DNAH8: variants seen among roughly 807,000 people sequenced by gnomAD.
DNAH8 encodes the protein dynein axonemal heavy chain 8.
In DNAH8, 382 loss-of-function variants were observed where a neutral mutation model predicts 562.1. The ratio of observed to expected loss-of-function variants is 0.68; its 90% confidence interval spans 0.63 to 0.74. The LOEUF is 0.74. DNAH8 is among the 30% of genes least tolerant of loss of function. The probability of loss-of-function intolerance (pLI) is 0.00; values close to 1 mark genes in which losing one functional copy is unlikely to be tolerated. For missense variants in DNAH8, 5,203 were observed against 5,620.4 expected (o/e 0.93, Z 2.37); for synonymous variants, 1,881 against 1,919.4 (o/e 0.98, Z 0.52).
intron 21 of DNAH8, among the ~76,000 whole-genome samples, chr6:38,794,249 G>A (rs1014146682): frequency 4.6e-5 from 7 of 152,056 alleles, no homozygotes; most frequent in Non-Finnish European, 1.0e-4. Flanking sequence ...TATTAAGCAA[G>A]GGTGGGGATG....
intron 69 of DNAH8, 118 bp from the exon 70 acceptor site, chr6:38,917,805 TTG>T: frequency 5.5e-6 from 4 of 723,360 alleles, no homozygotes; most frequent in Non-Finnish European, 8.7e-6. Context: ...TAGTCTCAAT[TTG>T]TGTATTTAGA....
chr6:38,972,271 T>C (rs912257828), intron 83 of DNAH8, among the ~76,000 whole-genome samples: 1 of 152,120 alleles, frequency 6.6e-6, no homozygotes, highest in African/African-American at 2.4e-5. Context: ...AAGATATTGG[T>C]TTATTTTTAA....
At chr6:39,027,226 C>A (rs148398189) in intron 92 of DNAH8, among the ~76,000 whole-genome samples, 21 of 152,218 alleles carry the variant, frequency 1.4e-4, no homozygotes, top group African/African-American at 4.6e-4. Context: ...CAGAGTGAGA[C>A]CCTGTCTTAA....
chr6:38,969,919 G>A (rs903243784), intron 82 of DNAH8, among the ~76,000 whole-genome samples: 14 of 152,064 alleles, frequency 9.2e-5, no homozygotes, highest in Admixed American at 3.3e-4. Flanking sequence ...AGCTAGTAGA[G>A]GACAAGGGTG....
At position 38,845,788 on chromosome 6, in the gene DNAH8, T is replaced by C; in HGVS notation, c.5045+15T>C. Reference sequence around the variant, plus strand: ...CTCAGCAACAGGTAATTTTATAATTTGAGAGAGAGATTTAAATGGGATATT... The same window carrying C: ...CTCAGCAACAGGTAATTTTATAATTCGAGAGAGAGATTTAAATGGGATATT... On this transcript the variant is annotated intron_variant, in intron 36 of 92. Coordinates refer to ENST00000327475, the MANE Select transcript of DNAH8 (RefSeq NM_001206927.2). The C allele has an allele frequency of 6.3e-7, 1 of 1,593,600 alleles. No homozygotes were observed. The highest frequency in any genetic ancestry group is 2.2e-5 in the East Asian group (1 of 44,758).
At chr6:38,729,825 C>A (rs1763527364) in intron 3 of DNAH8, 77 bp from the exon 4 acceptor site, 2 of 760,526 alleles carry the variant, frequency 2.6e-6, no homozygotes. Flanking sequence ...ACTCTTTGAG[C>A]TTCATCTTCT....
chr6:38,989,664 G>A (rs1764646693), intron 87 of DNAH8, among the ~76,000 whole-genome samples: 1 of 152,200 alleles, frequency 6.6e-6, no homozygotes, highest in Non-Finnish European at 1.5e-5. Flanking sequence ...TCTCTTGTGT[G>A]TGGGAGTATG....
rs182335901 is a variant in DNAH8 at position 38,938,800 on chromosome 6, C to A, written c.11819C>A (p.Ser3940Tyr). Residue 3940 changes from serine (S) to tyrosine (Y), a missense_variant and splice_region_variant, in exon 79 of 93, where the codon TCT becomes TAT. Around this residue, in one of 6 missense-constraint regions of DNAH8, gnomAD observed 1,399 missense variants for 1,518.4 expected, o/e 0.92. Coordinates refer to ENST00000327475, the MANE Select transcript of DNAH8 (RefSeq NM_001206927.2). Reference sequence around the variant, plus strand: ...TTGATTCTTAAAATGTGTTTCAGATCTGAAAAGTCACCACTACCTCAAAAG... The same window carrying A: ...TTGATTCTTAAAATGTGTTTCAGATATGAAAAGTCACCACTACCTCAAAAG... ...LKLFDQSMAR[S>Y]EKSPLPQKRI... The A allele has an allele frequency of 2.0e-4, 316 of 1,593,516 alleles. 3 individuals are homozygous for A. The highest frequency in any genetic ancestry group is 3.3e-5 in the Non-Finnish European group (39 of 1,170,002).
Position 38,763,513 on chromosome 6 carries a change from T to G in DNAH8, c.1617+1710T>G. The G allele has an allele frequency of 1.4e-5, 3 of 215,066 alleles. 1 individual carries two copies. In the South Asian group the frequency reaches 2.3e-4, roughly 16 times the overall value. The allele number at this position is 215,066 out of a possible 1,614,324, so 13.3% of individuals were successfully genotyped here. On this transcript the variant is annotated intron_variant, in intron 11 of 92. Transcript: ENST00000327475. ...AGCTGTGATACAAGGATAAAAAAAT[T>G]CAAAGAACAGAAAGCCAAGGCCAGG...
intron 56 of DNAH8, among the ~76,000 whole-genome samples, chr6:38,885,668 C>G (rs763271403): frequency 7.9e-5 from 12 of 152,190 alleles, no homozygotes; most frequent in Non-Finnish European, 1.5e-4. Context: ...ATGGTGTTCA[C>G]TCAGTACCTC....
intron 14 of DNAH8, among the ~76,000 whole-genome samples, chr6:38,779,712 A>C (rs921278234): frequency 1.3e-5 from 2 of 152,148 alleles, no homozygotes; most frequent in Non-Finnish European, 2.9e-5. Context: ...AGTTATAGGC[A>C]TTTCTGACCC....
chr6:38,912,984 T>A (rs1345837486), intron 66 of DNAH8, among the ~76,000 whole-genome samples: 3 of 152,216 alleles, frequency 2.0e-5, no homozygotes, highest in Non-Finnish European at 2.9e-5. Flanking sequence ...TTGTTTTGTA[T>A]TTTTAGTAGA....
At position 38,883,061 on chromosome 6, in the gene DNAH8, AATAG is replaced by A; in HGVS notation, c.8001+14_8001+17del. 1 of 1,577,506 alleles carries A rather than the reference AATAG, an allele frequency of 6.3e-7. No individual in the cohort carries two copies. The highest frequency in any genetic ancestry group is 2.3e-5 in the East Asian group (1 of 43,894). On this transcript the variant is annotated intron_variant, in intron 54 of 92. Coordinates refer to ENST00000327475, the MANE Select transcript of DNAH8 (RefSeq NM_001206927.2). ...TTGCAAAACAACATAAAGTAAGTTT[AATAG>A]ATAGTTCCTTAAATGATCACAAACC...
Position 38,883,359 on chromosome 6 carries a change from C to G in DNAH8, c.8039C>G (p.Thr2680Ser), listed in dbSNP as rs1778655703. The G allele has an allele frequency of 6.2e-7, 1 of 1,612,760 alleles. No homozygotes were observed. The highest frequency in any genetic ancestry group is 1.3e-5 in the African/African-American group (1 of 74,980). Residue 2680 changes from threonine to serine, a missense_variant, in exon 55 of 93, where the codon ACT becomes AGT. Thr to Ser is a moderately conservative substitution (Grantham distance 58, BLOSUM62 1). Around this residue, in one of 6 missense-constraint regions of DNAH8, gnomAD observed 977 missense variants for 1,061.8 expected, o/e 0.92. Coordinates refer to ENST00000327475, the MANE Select transcript of DNAH8 (RefSeq NM_001206927.2). ...ACAGGAGAGCAGGGAACTGCAAAAACTGTCATGGTTAAGGCCTATTTGAAA... is the reference window on the plus strand; with the variant it reads ...ACAGGAGAGCAGGGAACTGCAAAAAGTGTCATGGTTAAGGCCTATTTGAAA... Reference protein sequence around the residue: ...LLTGEQGTAKTVMVKAYLKKY... With the variant: ...LLTGEQGTAKSVMVKAYLKKY...
At chr6:38,804,991 A>C (rs922990732) in intron 22 of DNAH8, among the ~76,000 whole-genome samples, 1 of 152,136 alleles carries the variant, frequency 6.6e-6, no homozygotes, top group Non-Finnish European at 1.5e-5. Context: ...AACATCCTAC[A>C]GGACAGCCCC....
intron 1 of DNAH8, among the ~76,000 whole-genome samples, chr6:38,715,813 T>C (rs1247949322): frequency 7.1e-6 from 1 of 141,760 alleles, no homozygotes; most frequent in Non-Finnish European, 1.6e-5. Context: ...TCGCTTGCAA[T>C]GTATGCTACC....
intron 1 of DNAH8, among the ~76,000 whole-genome samples, chr6:38,715,925 A>AATAAAT (rs1453678814): frequency 1.1e-4 from 4 of 36,888 alleles, no homozygotes; most frequent in Admixed American, 3.9e-4. Context: ...TAAATAAATA[A>AATAAAT]ATATATATAT....
intron 26 of DNAH8, among the ~76,000 whole-genome samples, chr6:38,818,647 T>G (rs1772526934): frequency 6.6e-6 from 1 of 151,828 alleles, no homozygotes; most frequent in African/African-American, 2.4e-5. Flanking sequence ...GCAGTGATAG[T>G]TATGTTCTAA....
chr6:38,981,457 G>A (rs1583499774), intron 85 of DNAH8, among the ~76,000 whole-genome samples: 1 of 152,282 alleles, frequency 6.6e-6, no homozygotes, highest in African/African-American at 2.4e-5. Flanking sequence ...AGCCACTATT[G>A]CACAGGAGTC....
Sources: gnomAD v4.1 joint callset for allele counts (sites outside exome capture counted in the v4.1 genomes callset) on GRCh38, gnomAD v4.1.1 for gene constraint, gnomAD v4.1.1 regional missense constraint, MANE v1.5 for transcripts, NCBI Gene and HGNC (gene_info 2026-07-23, HGNC 2026-07-21) for gene names.